Variants in DNAH12 observed in about 807,000 individuals in gnomAD.
The protein encoded by DNAH12 is dynein axonemal heavy chain 12.
In DNAH12, 285 loss-of-function variants were observed where a neutral mutation model predicts 371.5. The observed-to-expected ratio is 0.77, with a 90% CI of 0.70 to 0.85. DNAH12 has a LOEUF of 0.85. Ranked by LOEUF, DNAH12 falls within the 40% of genes least tolerant of loss-of-function variation. The probability of loss-of-function intolerance (pLI) is 0.00; values close to 1 mark genes in which losing one functional copy is unlikely to be tolerated. For missense variants in DNAH12, 3,611 were observed against 3,689.4 expected, an observed-to-expected ratio of 0.98 and a Z score of 0.55; for synonymous variants, 1,200 against 1,213.0, an observed-to-expected ratio of 0.99 and a Z score of 0.22.
chr3:57,433,370 TTTA>T lies in DNAH12; in HGVS notation c.4974_4976del (p.Asn1658del). 1 of 1,548,586 alleles carries T rather than the reference TTTA, an allele frequency of 6.5e-7. No homozygotes were observed. Among genetic ancestry groups the T allele is most frequent in the Non-Finnish European group, 8.7e-7 (1 of 1,146,166 alleles). On this transcript the variant is annotated inframe_deletion, in exon 32 of 74. Coordinates refer to ENST00000495027, the MANE Select transcript of DNAH12 (RefSeq NM_001366028.2). Reference sequence around the variant, plus strand: ...TTCTCTTTTGATCATGATTTACCTTTTTATTATCATCCAATACTGTGTTCATGC... The same window carrying T: ...TTCTCTTTTGATCATGATTTACCTTTTTATCATCCAATACTGTGTTCATGC...
At chr3:57,492,980 G>T (rs1297511388) in intron 11 of DNAH12, among the ~76,000 whole-genome samples, 3 of 150,280 alleles carry the variant, frequency 2.0e-5, no homozygotes, top group African/African-American at 7.4e-5. Flanking sequence ...ACTCCAGCCT[G>T]GGCGACAGGG....
In DNAH12 at chr3:57,542,921, A is replaced by C. The variant is rs1390140034; in HGVS notation, c.-33-18T>G. 2.0e-6 allele frequency: 3 copies of C among 1,475,190 alleles called. No homozygotes were observed. The highest frequency in any genetic ancestry group is 5.0e-5 in the Admixed American group (2 of 40,240). The allele number at this position is 1,475,190 out of a possible 1,614,324, so 91.4% of individuals were successfully genotyped here. A position where few individuals can be genotyped will look rare whatever the true frequency, so the allele number is the denominator to read the frequency against. ...TCTGTACTCTGAGGAGAAAAAGTCC[A>C]TAAAGCCATTATTATGTCAGCAAGC... On this transcript the variant is annotated intron_variant, in intron 1 of 73. Transcript: ENST00000495027.
At chr3:57,304,875 C>T (rs918696330) in intron 69 of DNAH12, among the ~76,000 whole-genome samples, 46 of 152,090 alleles carry the variant, frequency 3.0e-4, no homozygotes, top group Admixed American at 2.4e-3. Context: ...ACCCCCCACC[C>T]CTTCTCTTCG....
In DNAH12 at chr3:57,523,837, G is replaced by A. The variant is rs771896674; in HGVS notation, c.218C>T (p.Thr73Ile). 6.2e-7 allele frequency: 1 copy of A among 1,607,540 alleles called. No homozygotes were observed. Among genetic ancestry groups the A allele is most frequent in the Non-Finnish European group, 8.5e-7 (1 of 1,177,838 alleles). Residue 73 changes from threonine to isoleucine, a missense_variant, in exon 3 of 74, where the codon ACA (threonine) becomes ATA (isoleucine). By Grantham distance (89) the Thr-to-Ile change is moderately conservative. Coordinates refer to ENST00000495027, the MANE Select transcript of DNAH12 (RefSeq NM_001366028.2). ...ATAATCAGGTGGTGGTAATAGAGGT[G>A]TTCTTTTACCCAGTGTTCTGTCTAA... ...RNLDRTLGKR[T>I]PLLPPPDYPQ...
rs758619480 is a variant in DNAH12, at chr3:57,457,716, C to A, written c.3336+5G>T. On this transcript the variant is annotated splice_donor_5th_base_variant and intron_variant, in intron 22 of 73. Transcript: ENST00000495027. The stretch of plus-strand genomic sequence containing the variant: ...AGGGTATATATCAAATCCTAGGAAA[C>A]ACACCAGCCTGGCTGCAGCGATCAC... The A allele has an allele frequency of 6.5e-7, 1 of 1,545,944 alleles. No homozygotes were observed. The highest frequency in any genetic ancestry group is 2.5e-5 in the East Asian group (1 of 40,768).
intron 65 of DNAH12, among the ~76,000 whole-genome samples, chr3:57,316,081 T>TA (rs1452557185): frequency 2.6e-5 from 4 of 151,916 alleles, no homozygotes; most frequent in East Asian, 1.9e-4. Flanking sequence ...AGATATTCTT[T>TA]AAAAAACTTT....
At chr3:57,439,668 A>C (rs2065244872) in intron 29 of DNAH12, among the ~76,000 whole-genome samples, 1 of 152,214 alleles carries the variant, frequency 6.6e-6, no homozygotes, top group South Asian at 2.1e-4. Context: ...CAATCGCTAC[A>C]AAAACAAAAA....
At position 57,405,758 on chromosome 3, in the gene DNAH12, A is replaced by T. The variant is rs1253088197; in HGVS notation, c.6471T>A (p.Asp2157Glu). Reference sequence around the variant, plus strand: ...ACTGGAACAGCCATCTTCGATCATCATCATTAATGAGGCGATCATAAAACA... The same window carrying T: ...ACTGGAACAGCCATCTTCGATCATCTTCATTAATGAGGCGATCATAAAACA... Reference protein sequence around the residue: ...LRVFYDRLINDDDRRWLFQLT... With the variant: ...LRVFYDRLINEDDRRWLFQLT... The change falls in exon 41 of 74, where the codon GAT becomes GAA. Residue 2157 changes from aspartate (D) to glutamate (E), a missense_variant. Asp to Glu is a conservative substitution (Grantham distance 45). This residue lies in a region of DNAH12 where 2,266 missense variants were observed against 2,236.9 expected (regional missense o/e 1.01). Transcript: ENST00000495027. The T allele has an allele frequency of 9.7e-6, 15 of 1,551,608 alleles. No individual in the cohort carries two copies. The highest frequency in any genetic ancestry group is 2.0e-5 in the Admixed American group (1 of 50,986).
chr3:57,401,927 C>T (rs888331560), intron 43 of DNAH12, among the ~76,000 whole-genome samples: 7 of 152,110 alleles, frequency 4.6e-5, no homozygotes, highest in Non-Finnish European at 8.8e-5. Flanking sequence ...AACTAAAGCA[C>T]CGATCGATTT....
chr3:57,534,544 C>T (rs534857126), intron 2 of DNAH12, among the ~76,000 whole-genome samples: 6 of 147,718 alleles, frequency 4.1e-5, no homozygotes, highest in African/African-American at 1.5e-4. Flanking sequence ...GAGTCTGGCC[C>T]AGTTGCCTGA....
intron 9 of DNAH12, among the ~76,000 whole-genome samples, chr3:57,502,708 C>G (rs142506176): frequency 6.6e-6 from 1 of 152,164 alleles, no homozygotes. Flanking sequence ...CGCCACCACG[C>G]CCAGCTAATT....
At chr3:57,302,565 G>T (rs76042606) in intron 69 of DNAH12, among the ~76,000 whole-genome samples, 2,950 of 28,706 alleles carry the variant, frequency 0.1, 244 homozygotes, top group Admixed American at 0.12. Context: ...ATATATATAT[G>T]TATTTTTTTT....
At position 57,293,794 on chromosome 3, in the gene DNAH12, T is replaced by A; in HGVS notation, c.11870A>T (p.Gln3957Leu). The part of the protein sequence containing the change: ...WIKRGVALLC[Q>L]LDD ...AATTTGTCCAATTTAGTCATCCAACTGACAAAGCAAAGCAACCCCGCGCTT... is the reference window on the plus strand; with the variant it reads ...AATTTGTCCAATTTAGTCATCCAACAGACAAAGCAAAGCAACCCCGCGCTT... The change falls in exon 74 of 74, where the codon CAG becomes CTG. Residue 3957 changes from glutamine to leucine, a missense_variant. Physicochemically the swap from Gln to Leu is moderately radical, Grantham distance 113. This residue lies in a region of DNAH12 where 2,266 missense variants were observed against 2,236.9 expected (regional missense o/e 1.01). Transcript: ENST00000495027. 1 of 1,550,030 alleles carries A rather than the reference T, an allele frequency of 6.5e-7. No individual in the cohort carries two copies.
Position 57,309,771 on chromosome 3 carries a change from G to A in DNAH12, c.10980C>T (p.Thr3660=), listed in dbSNP as rs746560099. Residue 3660 remains threonine, a synonymous_variant, in exon 68 of 74, where the codon ACC becomes ACT. Transcript: ENST00000495027. ...GGGTGAGGAGCAAGGACTCAAAGAG[G>A]GTTTTTGTTTGTTGAAGATCCTTGG... ...DISKDLQQTK[T]LFESLLLTQG... 6 of 1,551,300 alleles carry A rather than the reference G, an allele frequency of 3.9e-6. No homozygotes were observed. The highest frequency in any genetic ancestry group is 1.7e-4 in the Middle Eastern group (1 of 5,984).
In DNAH12 at chr3:57,445,889, G is replaced by A. The variant is rs191983674; in HGVS notation, c.4179+142C>T. 2,679 of 705,258 alleles carry A rather than the reference G, an allele frequency of 3.8e-3. 47 individuals carry two copies. Among genetic ancestry groups the A allele is most frequent in the Non-Finnish European group, 4.8e-3 (2,300 of 476,210 alleles). The allele number at this position is 705,258 out of a possible 1,614,324, so 43.7% of individuals were successfully genotyped here. On this transcript the variant is annotated intron_variant, in intron 27 of 73. Coordinates refer to ENST00000495027, the MANE Select transcript of DNAH12 (RefSeq NM_001366028.2). ...TCTAGTCCCAGCTACTCGGGAGACTGAGGCAAGAGAATCGCTTGAACCCGG... is the reference window on the plus strand; with the variant it reads ...TCTAGTCCCAGCTACTCGGGAGACTAAGGCAAGAGAATCGCTTGAACCCGG...
intron 60 of DNAH12, among the ~76,000 whole-genome samples, chr3:57,349,293 G>A (rs901547365): frequency 2.0e-5 from 3 of 152,114 alleles, no homozygotes; most frequent in Non-Finnish European, 4.4e-5. Flanking sequence ...CCTCACTCCC[G>A]CAGGAATGGC....
intron 33 of DNAH12, among the ~76,000 whole-genome samples, chr3:57,429,128 C>T (rs962805425): frequency 2.0e-5 from 3 of 152,112 alleles, no homozygotes; most frequent in African/African-American, 4.8e-5. Context: ...AGTTACCTTC[C>T]ATGGTGCTCC....
chr3:57,396,278 C>CAAA (rs1191377249), intron 43 of DNAH12, among the ~76,000 whole-genome samples: 11 of 100,340 alleles, frequency 1.1e-4, no homozygotes, highest in East Asian at 3.3e-4. Context: ...GACTGCATCT[C>CAAA]AAAAAAAAAA....
intron 69 of DNAH12, among the ~76,000 whole-genome samples, chr3:57,304,804 GA>G (rs1278308831): frequency 6.6e-6 from 1 of 151,774 alleles, no homozygotes; most frequent in East Asian, 1.9e-4. Context: ...TGGAGGGCAA[GA>G]ACTCTCTGAC....
Sources: gnomAD v4.1 joint callset for allele counts (sites outside exome capture counted in the v4.1 genomes callset) on GRCh38, gnomAD v4.1.1 for gene constraint, gnomAD v4.1.1 regional missense constraint, MANE v1.5 for transcripts, NCBI Gene and HGNC (gene_info 2026-07-23, HGNC 2026-07-21) for gene names.